The following CTNNA2 variants were observed in gnomAD, a reference collection of about 807,000 sequenced individuals.
CTNNA2 encodes catenin alpha-2.
A neutral mutation model predicts 101.0 loss-of-function variants in CTNNA2; 42 were observed. The observed-to-expected ratio is 0.42, with a 90% CI of 0.32 to 0.54. CTNNA2 has a LOEUF of 0.54. Ranked by LOEUF, CTNNA2 falls within the 20% of genes least tolerant of loss-of-function variation. CTNNA2 has a pLI of 0.14. For missense variants in CTNNA2, 871 were observed against 1,223.1 expected, an observed-to-expected ratio of 0.71 and a Z score of 4.29; for synonymous variants, 450 against 456.4, an observed-to-expected ratio of 0.99 and a Z score of 0.18.
intron 4 of CTNNA2, among the ~76,000 whole-genome samples, chr2:79,388,404 C>T (rs183643302): frequency 1.3e-4 from 20 of 152,218 alleles, no homozygotes; most frequent in Non-Finnish European, 2.4e-4. Flanking sequence ...TCATTCCAAC[C>T]GCAAGAAACC....
intron 7 of CTNNA2, among the ~76,000 whole-genome samples, chr2:80,269,567 T>C (rs888866959): frequency 6.6e-6 from 1 of 152,194 alleles, no homozygotes; most frequent in Non-Finnish European, 1.5e-5. Flanking sequence ...GTGTTAGTAT[T>C]GTCCTATATC....
intron 4 of CTNNA2, among the ~76,000 whole-genome samples, chr2:79,399,880 C>G (rs1309753697): frequency 6.6e-6 from 1 of 151,856 alleles, no homozygotes; most frequent in Non-Finnish European, 1.5e-5. Context: ...GAATGATTCC[C>G]TATGTGAACC....
At chr2:79,899,946 G>A (rs1183151788) in intron 6 of CTNNA2, among the ~76,000 whole-genome samples, 1 of 152,158 alleles carries the variant, frequency 6.6e-6, no homozygotes, top group Non-Finnish European at 1.5e-5. Context: ...GGCACAGAAT[G>A]AAAAAGATGA....
Position 80,601,129 on chromosome 2 carries a change from A to G in CTNNA2, c.2190-2945A>G, listed in dbSNP as rs550879370. On this transcript the variant is annotated intron_variant, in intron 15 of 18. Transcript: ENST00000402739. The stretch of plus-strand genomic sequence containing the variant: ...TGGCTTGCCCAGTTCCTAAAAACCT[A>G]ACAAATAATTCTCGTATGTATAAGC... Among the ~76,000 whole-genome samples, 4 of 152,208 alleles carry G rather than the reference A, an allele frequency of 2.6e-5. No individual in the cohort carries two copies. In the South Asian group the frequency reaches 8.3e-4, roughly 32 times the overall value.
intron 1 of CTNNA2, among the ~76,000 whole-genome samples, chr2:79,525,232 C>T (rs1016767483): frequency 6.6e-6 from 1 of 151,880 alleles, no homozygotes; most frequent in South Asian, 2.1e-4. Flanking sequence ...GTCTCCAGTT[C>T]GTACCCACAT....
rs970054887 is a variant in CTNNA2 at position 79,283,236 on chromosome 2, T to C, written c.-405-29473T>C. On this transcript the variant is annotated intron_variant, in intron 2 of 21. Coordinates refer to the CTNNA2 transcript ENST00000466387. The stretch of plus-strand genomic sequence containing the variant: ...CTGTTCACTCTGATGGTAGTTTCTT[T>C]TGCTGTGCAGAAGCTCTTTAGTTGA... Among the ~76,000 whole-genome samples, 14 of 107,728 alleles carry C rather than the reference T, an allele frequency of 1.3e-4. 1 individual carries two copies. Among genetic ancestry groups the C allele is most frequent in the Non-Finnish European group, 2.8e-4 (13 of 46,174 alleles). 70.7% of individuals were successfully genotyped at this position (107,728 alleles called of 152,430 possible). A position where few individuals can be genotyped will look rare whatever the true frequency, so the allele number is the denominator to read the frequency against.
intron 1 of CTNNA2, among the ~76,000 whole-genome samples, chr2:79,193,160 T>C (rs1304215670): frequency 6.6e-6 from 1 of 152,192 alleles, no homozygotes; most frequent in African/African-American, 2.4e-5. Flanking sequence ...GTGAGATTTA[T>C]CCACATGTAT....
chr2:80,613,380 A>G (rs1482843373), intron 17 of CTNNA2, among the ~76,000 whole-genome samples: 1 of 151,424 alleles, frequency 6.6e-6, no homozygotes, highest in Admixed American at 6.6e-5. Context: ...ACAGTTTACC[A>G]ATTCAAGACT....
rs564170490 is a variant in CTNNA2, at chr2:79,554,425, G to T, written c.-6+41218G>T. The stretch of plus-strand genomic sequence containing the variant: ...TCCTGAAAATTATGAGAGGACATAT[G>T]CTATATAGTATTACCATATAATTTT... On this transcript the variant is annotated intron_variant, in intron 1 of 18. Coordinates refer to ENST00000402739, the MANE Select transcript of CTNNA2 (RefSeq NM_001282597.3). 3.9e-5 allele frequency among the ~76,000 whole-genome samples: 6 copies of T among 152,228 alleles called. No individual in the cohort carries two copies. In the South Asian group the frequency reaches 1.2e-3, roughly 32 times the overall value.
chr2:79,915,531 A>G (rs562084422), intron 7 of CTNNA2, among the ~76,000 whole-genome samples: 6 of 152,310 alleles, frequency 3.9e-5, no homozygotes, highest in Admixed American at 2.0e-4. Context: ...GTGTATTTTT[A>G]GGGAAGAGCC....
intron 9 of CTNNA2, among the ~76,000 whole-genome samples, chr2:80,444,594 C>T (rs1340665560): frequency 6.6e-6 from 1 of 152,092 alleles, no homozygotes; most frequent in Non-Finnish European, 1.5e-5. Flanking sequence ...GAAGTTTTAG[C>T]CCCCAGCATG....
chr2:80,043,968 TTGAA>T (rs1696352635), intron 7 of CTNNA2, among the ~76,000 whole-genome samples: 1 of 152,192 alleles, frequency 6.6e-6, no homozygotes, highest in Admixed American at 6.5e-5. Flanking sequence ...ACACCCATGT[TTGAA>T]TGAAAAGGGG....
intron 2 of CTNNA2, among the ~76,000 whole-genome samples, chr2:79,222,573 AG>A (rs1313062344): frequency 2.6e-5 from 4 of 152,188 alleles, no homozygotes; most frequent in African/African-American, 9.7e-5. Context: ...AATATTACAT[AG>A]ATCAATACTT....
At chr2:79,786,813 C>T (rs1458988556) in intron 3 of CTNNA2, among the ~76,000 whole-genome samples, 1 of 152,134 alleles carries the variant, frequency 6.6e-6, no homozygotes, top group African/African-American at 2.4e-5. Context: ...CCCAGGATTT[C>T]TCAACCTGAC....
intron 7 of CTNNA2, among the ~76,000 whole-genome samples, chr2:80,008,512 C>T (rs1231141113): frequency 3.9e-5 from 6 of 152,178 alleles, no homozygotes; most frequent in African/African-American, 7.2e-5. Flanking sequence ...AACTTCTCTT[C>T]TTCTTCTTAA....
intron 16 of CTNNA2, 42 bp from the exon 17 acceptor site, chr2:80,608,142 A>T (rs1465258390): frequency 6.5e-7 from 1 of 1,548,586 alleles, no homozygotes. Flanking sequence ...TAGAAACTGA[A>T]GAGTACTTAC....
At chr2:79,453,845 C>G (rs1464222538) in intron 4 of CTNNA2, among the ~76,000 whole-genome samples, 1 of 151,952 alleles carries the variant, frequency 6.6e-6, no homozygotes, top group African/African-American at 2.4e-5. Flanking sequence ...GCCATAGAGA[C>G]AAAAACAGAG....
intron 2 of CTNNA2, among the ~76,000 whole-genome samples, chr2:79,268,956 T>C (rs886583288): frequency 6.6e-6 from 1 of 152,020 alleles, no homozygotes; most frequent in Non-Finnish European, 1.5e-5. Flanking sequence ...CACAACCAGG[T>C]TAGTTAGAAC....
At chr2:80,644,127 GGA>G in intron 18 of CTNNA2, among the ~76,000 whole-genome samples, 1 of 152,186 alleles carries the variant, frequency 6.6e-6, no homozygotes, top group South Asian at 2.1e-4. Flanking sequence ...AGTGGGCCTT[GGA>G]GAGAGATAGT....
Sources: gnomAD v4.1 joint callset for allele counts (sites outside exome capture counted in the v4.1 genomes callset) on GRCh38, gnomAD v4.1.1 for gene constraint, MANE v1.5 for transcripts, NCBI Gene and HGNC (gene_info 2026-07-23, HGNC 2026-07-21) for gene names.